KAZN: variants seen among roughly 807,000 people sequenced by gnomAD.
KAZN encodes the protein kazrin, periplakin interacting protein.
Under a neutral mutation model 87.4 loss-of-function variants are expected in KAZN, and 40 were observed. The observed-to-expected ratio is 0.46, with a 90% CI of 0.36 to 0.60. The LOEUF is 0.60. Among genes scored for constraint, KAZN ranks in the 20% least tolerant of loss-of-function variants. KAZN has a pLI of 0.00. For synonymous variants in KAZN, 466 were observed against 458.3 expected (o/e 1.02, Z -0.22); for missense variants, 898 against 1,073.9 (o/e 0.84, Z 2.29).
chr1:14,287,201 A>G (rs374049691), intron 2 of KAZN, among the ~76,000 whole-genome samples: 151 of 152,246 alleles, frequency 9.9e-4, no homozygotes, highest in African/African-American at 3.4e-3. Context: ...ACCGTTTTAC[A>G]TTTTATGACA....
chr1:14,658,517 C>T (rs1638940866), intron 1 of KAZN, among the ~76,000 whole-genome samples: 1 of 152,004 alleles, frequency 6.6e-6, no homozygotes, highest in Non-Finnish European at 1.5e-5. Context: ...AGAAAGTCCT[C>T]GAAAAATGTC....
intron 1 of KAZN, among the ~76,000 whole-genome samples, chr1:14,848,254 T>C (rs1160865437): frequency 6.6e-6 from 1 of 152,112 alleles, no homozygotes; most frequent in Non-Finnish European, 1.5e-5. Context: ...CTCCCCAAGA[T>C]GATGTCACCA....
chr1:13,967,345 C>T (rs1240538057), intron 1 of KAZN, among the ~76,000 whole-genome samples: 1 of 152,168 alleles, frequency 6.6e-6, no homozygotes, highest in Non-Finnish European at 1.5e-5. Flanking sequence ...GAGCTGGAAA[C>T]TGAAGGACTG....
intron 1 of KAZN, among the ~76,000 whole-genome samples, chr1:14,001,723 C>T (rs1011266329): frequency 3.9e-5 from 6 of 152,094 alleles, no homozygotes; most frequent in Non-Finnish European, 7.4e-5. Flanking sequence ...ATCTGATCTT[C>T]GACAAACCTG....
At chr1:14,494,614 C>T (rs1260925549) in intron 2 of KAZN, among the ~76,000 whole-genome samples, 2 of 152,134 alleles carry the variant, frequency 1.3e-5, no homozygotes, top group Non-Finnish European at 2.9e-5. Context: ...CAGGTCCTTT[C>T]GTGCCTAGCT....
chr1:14,537,907 C>T (rs1254007189), intron 2 of KAZN, among the ~76,000 whole-genome samples: 5 of 152,140 alleles, frequency 3.3e-5, no homozygotes. Flanking sequence ...GTAATGAAAA[C>T]TCATGCAAAC....
intron 1 of KAZN, among the ~76,000 whole-genome samples, chr1:14,127,823 G>T (rs2101724008): frequency 6.6e-6 from 1 of 152,274 alleles, no homozygotes; most frequent in East Asian, 1.9e-4. Flanking sequence ...GGACACCCTG[G>T]CAGAGAGGAG....
chr1:14,249,995 C>T (rs983410100), intron 2 of KAZN, among the ~76,000 whole-genome samples: 1 of 152,078 alleles, frequency 6.6e-6, no homozygotes, highest in African/African-American at 2.4e-5. Flanking sequence ...AACCCCAAAG[C>T]AGCAAAAAAG....
At chr1:14,988,169 C>T (rs1195681361) in intron 2 of KAZN, among the ~76,000 whole-genome samples, 1 of 152,224 alleles carries the variant, frequency 6.6e-6, no homozygotes, top group Non-Finnish European at 1.5e-5. Context: ...GAGTGAGGCT[C>T]TCCCTTGAGA....
At chr1:14,842,495 C>T (rs983905619) in intron 1 of KAZN, among the ~76,000 whole-genome samples, 3 of 152,198 alleles carry the variant, frequency 2.0e-5, no homozygotes, top group Admixed American at 1.3e-4. Context: ...TCTCCTGTTG[C>T]GTTAGCTATC....
chr1:14,874,169 G>A (rs1054032772), intron 1 of KAZN, among the ~76,000 whole-genome samples: 7 of 152,144 alleles, frequency 4.6e-5, no homozygotes, highest in East Asian at 1.9e-4. Flanking sequence ...TTAAAGCCAC[G>A]ATACCAGACA....
chr1:15,102,403 G>A (rs185766587), intron 11 of KAZN, among the ~76,000 whole-genome samples: 6 of 152,250 alleles, frequency 3.9e-5, no homozygotes, highest in Admixed American at 6.5e-5. Flanking sequence ...ACAGTGTGGT[G>A]AAGGCCCAGA....
At chr1:14,861,863 A>T (rs1650891526) in intron 1 of KAZN, among the ~76,000 whole-genome samples, 1 of 152,188 alleles carries the variant, frequency 6.6e-6, no homozygotes, top group African/African-American at 2.4e-5. Context: ...AGGCGGAGAG[A>T]GCCGATCTGA....
chr1:14,409,689 G>A (rs1476874737), intron 2 of KAZN, among the ~76,000 whole-genome samples: 3 of 152,122 alleles, frequency 2.0e-5, no homozygotes, highest in Non-Finnish European at 4.4e-5. Context: ...TGCTGAAAAT[G>A]AGCTTTCAAT....
intron 2 of KAZN, among the ~76,000 whole-genome samples, chr1:14,300,303 C>T (rs965102488): frequency 2.6e-5 from 4 of 151,944 alleles, no homozygotes; most frequent in African/African-American, 9.7e-5. Flanking sequence ...ATAATTACGG[C>T]TCACTGCAGC....
At chr1:14,619,757 C>A (rs1678545440) in intron 1 of KAZN, among the ~76,000 whole-genome samples, 2 of 152,160 alleles carry the variant, frequency 1.3e-5, no homozygotes, top group Non-Finnish European at 1.5e-5. Flanking sequence ...TTTGTTCATA[C>A]TGGACATTTT....
At chr1:13,991,282 A>G (rs1307370278) in intron 1 of KAZN, among the ~76,000 whole-genome samples, 1 of 152,124 alleles carries the variant, frequency 6.6e-6, no homozygotes, top group African/African-American at 2.4e-5. Context: ...CAAATATCAC[A>G]TACCAGGGCC....
intron 1 of KAZN, among the ~76,000 whole-genome samples, chr1:14,799,884 AT>A (rs1409768474): frequency 6.6e-6 from 1 of 152,174 alleles, no homozygotes; most frequent in African/African-American, 2.4e-5. Flanking sequence ...CCTTGAGTTC[AT>A]TTTTATATCT....
At chr1:14,803,609 G>A (rs986696790) in intron 1 of KAZN, among the ~76,000 whole-genome samples, 5 of 152,180 alleles carry the variant, frequency 3.3e-5, no homozygotes, top group Non-Finnish European at 5.9e-5. Flanking sequence ...CCCCAGCTCC[G>A]TCTCTCCAAC....
Sources: gnomAD v4.1 joint callset for allele counts (sites outside exome capture counted in the v4.1 genomes callset) on GRCh38, gnomAD v4.1.1 for gene constraint, MANE v1.5 for transcripts, NCBI Gene and HGNC (gene_info 2026-07-23, HGNC 2026-07-21) for gene names.